The following ABCC12 variants were observed in gnomAD, a reference collection of about 807,000 sequenced individuals.
ABCC12 encodes ATP-binding cassette sub-family C member 12.
Under a neutral mutation model 151.1 loss-of-function variants are expected in ABCC12, and 142 were observed. The ratio of observed to expected loss-of-function variants is 0.94; its 90% CI spans 0.82 to 1.08. The LOEUF (loss-of-function observed/expected upper bound fraction) is 1.08, where lower values mean the gene tolerates loss of function less well. Ranked by LOEUF, ABCC12 falls within the 50% of genes least tolerant of loss-of-function variation. ABCC12 has a pLI of 0.00. For synonymous variants in ABCC12, 645 were observed against 646.4 expected (o/e 1.00, Z 0.03); for missense variants, 1,638 against 1,691.1 (o/e 0.97, Z 0.55).
intron 15 of ABCC12, among the ~76,000 whole-genome samples, chr16:48,112,994 G>C (rs1244822596): frequency 6.6e-6 from 1 of 152,098 alleles, no homozygotes; most frequent in African/African-American, 2.4e-5. Context: ...GAGACACAGA[G>C]CTCTCCCCCC....
intron 24 of ABCC12, among the ~76,000 whole-genome samples, chr16:48,095,330 A>G (rs943854133): frequency 2.7e-5 from 4 of 150,244 alleles, no homozygotes; most frequent in Admixed American, 6.6e-5. Context: ...CATGATTATG[A>G]GGCCTCCCCA....
Position 48,121,718 on chromosome 16 carries a change from T to C in ABCC12, c.1710A>G (p.Gln570=). Residue 570 remains glutamine (Q), a splice_region_variant and synonymous_variant, in exon 13 of 31, where the codon CAA becomes CAG. Transcript: ENST00000311303. ...NILFGEKYDH[Q]RYQHTVRVCG... is the part of the protein sequence containing the mutation. ...CCTGCTTTAAAAGTTAATATTACCT[T>C]TGGTGATCATACTTTTCTCCAAAGA... is the stretch of plus-strand genomic sequence containing the variant. 1 of 1,614,106 alleles carries C rather than the reference T, an allele frequency of 6.2e-7. No homozygotes were observed. The highest frequency in any genetic ancestry group is 8.5e-7 in the Non-Finnish European group (1 of 1,179,992).
chr16:48,092,053 G>T (rs1962920651), intron 24 of ABCC12, among the ~76,000 whole-genome samples: 1 of 152,174 alleles, frequency 6.6e-6, no homozygotes, highest in Non-Finnish European at 1.5e-5. Flanking sequence ...AGATGCCAGG[G>T]ATGGCCAGCA....
At position 48,115,481 on chromosome 16, in the gene ABCC12, G is replaced by T. The variant is rs1446222937; in HGVS notation, c.1923C>A (p.Val641=). ...GCGTCTTCTTAATGCACTCCTCAAA[G>T]ACGTGCTTCCCCACGTGGGCGTCCA... ...SAVDAHVGKH[V]FEECIKKTLR... is the part of the protein sequence containing the mutation. Residue 641 remains valine, a synonymous_variant, in exon 15 of 31, where the codon GTC becomes GTA. Coordinates refer to ENST00000311303, the MANE Select transcript of ABCC12 (RefSeq NM_001393797.1). 1.2e-6 allele frequency: 2 copies of T among 1,614,096 alleles called. No individual in the cohort carries two copies. The highest frequency in any genetic ancestry group is 1.7e-6 in the Non-Finnish European group (2 of 1,180,050).
At chr16:48,101,777 A>G (rs1022841070) in intron 22 of ABCC12, among the ~76,000 whole-genome samples, 2 of 152,184 alleles carry the variant, frequency 1.3e-5, no homozygotes, top group Non-Finnish European at 2.9e-5. Context: ...AAGAGCTTTT[A>G]CTAAGTAAAT....
intron 25 of ABCC12, among the ~76,000 whole-genome samples, chr16:48,089,301 G>C (rs1426355442): frequency 1.3e-5 from 2 of 152,198 alleles, no homozygotes; most frequent in Admixed American, 1.3e-4. Context: ...GAAGCTGTGT[G>C]ACAAGGCCAG....
At chr16:48,112,069 T>C (rs1963715287) in intron 15 of ABCC12, among the ~76,000 whole-genome samples, 159 bp from the exon 16 acceptor site, 2 of 152,108 alleles carry the variant, frequency 1.3e-5, no homozygotes, top group African/African-American at 4.8e-5. Flanking sequence ...CCACCCTCCC[T>C]GGCCTCTACC....
In ABCC12 at chr16:48,083,831, A is replaced by G. The variant is rs773912608; in HGVS notation, c.3994-30T>C. ...AAGTCAGAGAAGAAGAACTGAAATC[A>G]TCGGAAAATATCTACCCACTGTAAA... is the stretch of plus-strand genomic sequence containing the variant. On this transcript the variant is annotated intron_variant, in intron 30 of 30. Transcript: ENST00000311303. The G allele has an allele frequency of 1.2e-5, 20 of 1,613,998 alleles. No individual in the cohort carries two copies. In the South Asian group the frequency reaches 2.0e-4, roughly 16 times the overall value.
At chr16:48,143,428 C>A (rs1330175711) in intron 4 of ABCC12, among the ~76,000 whole-genome samples, 1 of 152,256 alleles carries the variant, frequency 6.6e-6, no homozygotes, top group Non-Finnish European at 1.5e-5. Context: ...CCATTGGTGT[C>A]ATTTTCCATG....
Position 48,088,204 on chromosome 16 carries a change from G to A in ABCC12, c.3476-119C>T, listed in dbSNP as rs1243948683. Reference sequence around the variant, plus strand: ...CAAATGTCTCCGTAAGGATGACAGTGTAGACAGAAAGTGTCCTCACCAGGG... The same window carrying A: ...CAAATGTCTCCGTAAGGATGACAGTATAGACAGAAAGTGTCCTCACCAGGG... On this transcript the variant is annotated intron_variant, in intron 26 of 30. Coordinates refer to ENST00000311303, the MANE Select transcript of ABCC12 (RefSeq NM_001393797.1). The A allele has an allele frequency of 1.4e-5, 17 of 1,202,336 alleles. No individual in the cohort carries two copies. The East Asian group carries it at 4.1e-4, about 29-fold the overall frequency. The allele number at this position is 1,202,336 out of a possible 1,614,324, so 74.5% of individuals were successfully genotyped here.
At chr16:48,130,687 G>T in intron 10 of ABCC12, 101 bp downstream of exon 10, 3 of 872,468 alleles carry the variant, frequency 3.4e-6, no homozygotes, top group East Asian at 2.5e-5. Flanking sequence ...CTCAACAAGC[G>T]ACCCAGCTCT....
intron 24 of ABCC12, among the ~76,000 whole-genome samples, chr16:48,094,889 C>T (rs564869117): frequency 2.0e-5 from 3 of 152,160 alleles, no homozygotes; most frequent in Non-Finnish European, 4.4e-5. Context: ...GCAGAGGAAA[C>T]TCTGAAAACC....
chr16:48,091,225 G>T lies in ABCC12; in HGVS notation c.3196-16C>A. ...GTCCGCTCAGCTGTTGAAAAGGAGC[G>T]AGCAGCCGCAGTTAGAGCCCCTTCC... On this transcript the variant is annotated splice_polypyrimidine_tract_variant and intron_variant, in intron 24 of 30. Coordinates refer to ENST00000311303, the MANE Select transcript of ABCC12 (RefSeq NM_001393797.1). 1.9e-6 allele frequency: 3 copies of T among 1,613,246 alleles called. No individual in the cohort carries two copies. The highest frequency in any genetic ancestry group is 1.7e-6 in the Non-Finnish European group (2 of 1,179,278).
chr16:48,152,870 C>T (rs1286725969), intron 2 of ABCC12, among the ~76,000 whole-genome samples: 2 of 152,206 alleles, frequency 1.3e-5, no homozygotes, highest in African/African-American at 4.8e-5. Flanking sequence ...AGTGAGGAAA[C>T]ATCCCAGATT....
intron 10 of ABCC12, 127 bp from the exon 11 acceptor site, chr16:48,128,864 T>G: frequency 9.3e-7 from 1 of 1,076,048 alleles, no homozygotes; most frequent in Non-Finnish European, 1.3e-6. Context: ...AGGAAAGAGG[T>G]TCTGAAATTA....
intron 14 of ABCC12, among the ~76,000 whole-genome samples, chr16:48,115,957 T>C (rs971131420): frequency 1.3e-5 from 2 of 152,176 alleles, no homozygotes; most frequent in Non-Finnish European, 2.9e-5. Flanking sequence ...CAAAGGGAAT[T>C]GTGTGAGCAG....
intron 24 of ABCC12, among the ~76,000 whole-genome samples, chr16:48,093,171 C>T (rs1325507497): frequency 6.6e-6 from 1 of 152,146 alleles, no homozygotes; most frequent in Non-Finnish European, 1.5e-5. Flanking sequence ...AGAACAGCCC[C>T]TCACCAGAAG....
chr16:48,136,108 G>C (rs186960370), intron 8 of ABCC12, among the ~76,000 whole-genome samples: 17 of 152,296 alleles, frequency 1.1e-4, no homozygotes, highest in Admixed American at 2.0e-4. Flanking sequence ...GCTTGCGCAG[G>C]TTTGCTTCAC....
At chr16:48,110,425 G>A (rs1963644881) in intron 18 of ABCC12, among the ~76,000 whole-genome samples, 1 of 152,038 alleles carries the variant, frequency 6.6e-6, no homozygotes, top group African/African-American at 2.4e-5. Context: ...GCATTATTGA[G>A]GAACAGAATA....
Sources: gnomAD v4.1 joint callset for allele counts (sites outside exome capture counted in the v4.1 genomes callset) on GRCh38, gnomAD v4.1.1 for gene constraint, MANE v1.5 for transcripts, NCBI Gene and HGNC (gene_info 2026-07-23, HGNC 2026-07-21) for gene names.